The following NRG3 variants were observed in gnomAD, a reference collection of about 807,000 sequenced individuals.
NRG3 encodes the protein pro-neuregulin-3, membrane-bound isoform.
NRG3 carries 31 observed loss-of-function variants against 66.9 expected under a neutral mutation model. The observed-to-expected ratio is 0.46, with a 90% CI of 0.35 to 0.63. The LOEUF is 0.63. Among genes scored for constraint, NRG3 ranks in the 20% least tolerant of loss-of-function variants. The pLI, the probability that NRG3 is intolerant of heterozygous loss-of-function variation, is 0.00. For synonymous variants in NRG3, 393 were observed against 359.4 expected (o/e 1.09, Z -1.06); for missense variants, 910 against 878.9 (o/e 1.04, Z -0.45).
At chr10:82,250,577 A>T (rs2077438029) in intron 1 of NRG3, among the ~76,000 whole-genome samples, 1 of 152,154 alleles carries the variant, frequency 6.6e-6, no homozygotes, top group Non-Finnish European at 1.5e-5. Context: ...AACAAGAGCG[A>T]AACTCCGTCT....
intron 2 of NRG3, among the ~76,000 whole-genome samples, chr10:82,521,214 T>G (rs1413060824): frequency 6.6e-6 from 1 of 152,214 alleles, no homozygotes; most frequent in Non-Finnish European, 1.5e-5. Flanking sequence ...AACATTTTAT[T>G]TACTAAAAAT....
At chr10:81,876,679 T>C (rs578051054) in intron 1 of NRG3, among the ~76,000 whole-genome samples, 11 of 152,164 alleles carry the variant, frequency 7.2e-5, no homozygotes, top group African/African-American at 2.6e-4. Context: ...GAGATAATGG[T>C]AGAATGTTGC....
At chr10:82,132,458 T>A (rs12768024) in intron 1 of NRG3, among the ~76,000 whole-genome samples, 36,963 of 82,082 alleles carry the variant, frequency 0.45, 10,507 homozygotes, top group Non-Finnish European at 0.6. Context: ...TATATATATA[T>A]GATATATATG....
chr10:82,736,156 C>A (rs1591361241), intron 2 of NRG3, among the ~76,000 whole-genome samples: 2 of 152,178 alleles, frequency 1.3e-5, no homozygotes, highest in Middle Eastern at 3.4e-3. Flanking sequence ...CCCCAAAAAA[C>A]CAAAACAAAA....
At chr10:82,462,240 C>T (rs892544022) in intron 2 of NRG3, among the ~76,000 whole-genome samples, 1 of 152,160 alleles carries the variant, frequency 6.6e-6, no homozygotes, top group East Asian at 1.9e-4. Context: ...AAGTGTGAGA[C>T]TTTGAATCAT....
At chr10:82,817,555 A>G (rs2061766924) in intron 3 of NRG3, among the ~76,000 whole-genome samples, 1 of 152,102 alleles carries the variant, frequency 6.6e-6, no homozygotes, top group South Asian at 2.1e-4. Context: ...TATTTTGTCC[A>G]AATTGGTCCA....
At chr10:81,930,787 A>G (rs1057331942) in intron 1 of NRG3, among the ~76,000 whole-genome samples, 5 of 152,164 alleles carry the variant, frequency 3.3e-5, no homozygotes, top group African/African-American at 1.2e-4. Context: ...ATGCCAGCAC[A>G]TAGGTTACAT....
chr10:82,350,107 C>T (rs1206535306), intron 1 of NRG3, among the ~76,000 whole-genome samples: 1 of 152,108 alleles, frequency 6.6e-6, no homozygotes, highest in Non-Finnish European at 1.5e-5. Context: ...CTTTTTTACA[C>T]GGAACCCACG....
chr10:82,449,638 C>A (rs896934480), intron 2 of NRG3, among the ~76,000 whole-genome samples: 1 of 152,156 alleles, frequency 6.6e-6, no homozygotes, highest in Non-Finnish European at 1.5e-5. Flanking sequence ...AACTTAAATG[C>A]CCCCAAGAGA....
intron 1 of NRG3, among the ~76,000 whole-genome samples, chr10:82,139,670 G>A (rs372664340): frequency 6.6e-6 from 1 of 152,224 alleles, no homozygotes; most frequent in East Asian, 1.9e-4. Context: ...CATTCTAGAA[G>A]CAACTAACTC....
chr10:82,178,025 C>T (rs2133192241), intron 1 of NRG3, among the ~76,000 whole-genome samples: 1 of 152,060 alleles, frequency 6.6e-6, no homozygotes, highest in African/African-American at 2.4e-5. Context: ...AGAGCTTTTG[C>T]TTATGTGGGT....
At chr10:82,351,863 T>C (rs1276701421) in intron 1 of NRG3, among the ~76,000 whole-genome samples, 1 of 152,226 alleles carries the variant, frequency 6.6e-6, no homozygotes, top group Non-Finnish European at 1.5e-5. Flanking sequence ...AAGTGTCTGC[T>C]ACTTCTCTGT....
intron 1 of NRG3, among the ~76,000 whole-genome samples, chr10:82,349,750 C>A (rs375859972): frequency 2.0e-5 from 3 of 152,288 alleles, no homozygotes; most frequent in South Asian, 2.1e-4. Flanking sequence ...GAGCCAGGTG[C>A]GGGATAGAAT....
intron 2 of NRG3, among the ~76,000 whole-genome samples, chr10:82,562,527 G>T (rs753295794): frequency 7.9e-5 from 12 of 152,134 alleles, no homozygotes; most frequent in South Asian, 2.1e-4. Flanking sequence ...AGAAAGTTTG[G>T]CATTAATTAT....
At chr10:82,752,374 G>C (rs1316254182) in intron 3 of NRG3, among the ~76,000 whole-genome samples, 3 of 152,044 alleles carry the variant, frequency 2.0e-5, no homozygotes. Context: ...TCTTTGTAAA[G>C]CTACTGTATA....
chr10:82,329,278 A>G (rs980881962), intron 1 of NRG3, among the ~76,000 whole-genome samples: 1 of 152,170 alleles, frequency 6.6e-6, no homozygotes, highest in Non-Finnish European at 1.5e-5. Flanking sequence ...TTCTATATCC[A>G]TTGTGCTCTT....
At chr10:82,688,453 A>G (rs1173364512) in intron 2 of NRG3, among the ~76,000 whole-genome samples, 3 of 152,172 alleles carry the variant, frequency 2.0e-5, no homozygotes, top group Non-Finnish European at 2.9e-5. Context: ...GTCATTGTTA[A>G]TTAATGTTTT....
At chr10:82,820,632 T>C (rs550956905) in intron 3 of NRG3, among the ~76,000 whole-genome samples, 92 of 152,208 alleles carry the variant, frequency 6.0e-4, no homozygotes, top group Non-Finnish European at 1.3e-3. Flanking sequence ...CTTTAAAACT[T>C]CCGAATTATA....
chr10:82,133,436 C>T (rs942665619), intron 1 of NRG3, among the ~76,000 whole-genome samples: 9 of 152,022 alleles, frequency 5.9e-5, no homozygotes, highest in African/African-American at 9.7e-5. Context: ...AGTAGACCCC[C>T]GTGCCTGTTG....
Sources: gnomAD v4.1 joint callset for allele counts (sites outside exome capture counted in the v4.1 genomes callset) on GRCh38, gnomAD v4.1.1 for gene constraint, MANE v1.5 for transcripts, NCBI Gene and HGNC (gene_info 2026-07-23, HGNC 2026-07-21) for gene names.